CASP1: variants seen among roughly 807,000 people sequenced by gnomAD.
The protein encoded by CASP1 is caspase 1, also known as caspase-1.
Under a neutral mutation model 41.2 loss-of-function variants are expected in CASP1, and 31 were observed. That is an observed-to-expected ratio of 0.75 (90% CI 0.57 to 1.02). The LOEUF is 1.02. Among genes scored for constraint, CASP1 ranks in the 50% least tolerant of loss-of-function variants. CASP1 has a pLI of 0.00. For synonymous variants in CASP1, 163 were observed against 166.5 expected (o/e 0.98, Z 0.16); for missense variants, 490 against 495.7 (o/e 0.99, Z 0.11).
At chr11:105,035,047 CA>C in intron 1 of CASP1, 59 bp downstream of exon 1, 2 of 1,608,172 alleles carry the variant, frequency 1.2e-6, no homozygotes, top group South Asian at 2.2e-5. Context: ...CCAGAAGAGC[CA>C]GCCCCTTCCA....
chr11:105,033,192 TA>T lies in CASP1; in HGVS notation c.275-67del. On this transcript the variant is annotated intron_variant, in intron 2 of 8. Coordinates refer to ENST00000533400, the MANE Select transcript of CASP1 (RefSeq NM_001257118.3). ...CTCTGGAAAACTTTACCCCAATCTG[TA>T]AAACACTCCCCACTAAAAATTTCTC... is the stretch of plus-strand genomic sequence containing the variant. The T allele has an allele frequency of 5.8e-6, 5 of 858,946 alleles. No individual in the cohort carries two copies. In the South Asian group the frequency reaches 7.2e-5, roughly 12 times the overall value. The allele number at this position is 858,946 out of a possible 1,614,324, so 53.2% of individuals were successfully genotyped here.
chr11:105,027,176 G>A (rs189564665), intron 7 of CASP1: 31 of 615,686 alleles, frequency 5.0e-5, no homozygotes, highest in Middle Eastern at 4.4e-4. Flanking sequence ...AGTTAATTAT[G>A]CATTCTGATA....
intron 8 of CASP1, chr11:105,026,621 G>A: frequency 1.7e-6 from 1 of 601,768 alleles, no homozygotes; most frequent in African/African-American, 1.9e-5. Flanking sequence ...TGCAGGGCAG[G>A]AGCGGGGTGA....
chr11:105,026,233 C>A lies in CASP1; in HGVS notation c.*25G>T. The A allele has an allele frequency of 2.1e-6, 3 of 1,446,428 alleles. No homozygotes were observed. The highest frequency in any genetic ancestry group is 2.9e-6 in the Non-Finnish European group (3 of 1,027,984). 89.6% of individuals were successfully genotyped at this position (1,446,428 alleles called of 1,614,324 possible). On this transcript the variant is annotated 3_prime_UTR_variant, in exon 9 of 9. Transcript: ENST00000533400. Reference sequence around the variant, plus strand: ...CCGACCATACACATGTACCTGCCCACAGACATTCATACAGTTTCCTTATTT... The same window carrying A: ...CCGACCATACACATGTACCTGCCCAAAGACATTCATACAGTTTCCTTATTT...
chr11:105,026,199 C>T lies in CASP1; in HGVS notation c.*59G>A, dbSNP rs1418984935. 4 of 1,103,220 alleles carry T rather than the reference C, an allele frequency of 3.6e-6. No homozygotes were observed. The African/African-American group carries it at 4.6e-5, about 13-fold the overall frequency. 68.3% of individuals were successfully genotyped at this position (1,103,220 alleles called of 1,614,324 possible). A position where few individuals can be genotyped will look rare whatever the true frequency, so the allele number is the denominator to read the frequency against. On this transcript the variant is annotated 3_prime_UTR_variant, in exon 9 of 9. Coordinates refer to ENST00000533400, the MANE Select transcript of CASP1 (RefSeq NM_001257118.3). ...CTTTCAGTACCCTTTCCTCAACCTT[C>T]CCACACTCCCGACCATACACATGTA...
At chr11:105,030,726 G>T in intron 4 of CASP1, 1 of 472,150 alleles carries the variant, frequency 2.1e-6, no homozygotes, top group Non-Finnish European at 3.7e-6. Context: ...GTTCTTGATA[G>T]GTAGGATTTT....
chr11:105,032,455 A>C (rs1329000761), intron 3 of CASP1, among the ~76,000 whole-genome samples: 2 of 152,188 alleles, frequency 1.3e-5, no homozygotes, highest in East Asian at 3.8e-4. Flanking sequence ...GTAATATCTG[A>C]ACTTGATAAA....
chr11:105,035,369 T>A (rs1322154945), upstream of CASP1: 2 of 512,584 alleles, frequency 3.9e-6, no homozygotes, highest in Non-Finnish European at 7.0e-6. Flanking sequence ...ATTGAAAAAG[T>A]ATGTGTACAA....
At chr11:105,031,597 G>A (rs1863702598) in intron 3 of CASP1, among the ~76,000 whole-genome samples, 2 of 152,160 alleles carry the variant, frequency 1.3e-5, no homozygotes, top group Admixed American at 1.3e-4. Flanking sequence ...AACAAAAAAT[G>A]TGTGAGATAA....
At chr11:105,034,732 G>C (rs576919029) in intron 1 of CASP1, 147 of 637,840 alleles carry the variant, frequency 2.3e-4, no homozygotes, top group African/African-American at 2.0e-3. Flanking sequence ...CTCTTATGTC[G>C]CATGTTTATT....
At chr11:105,033,280 G>A (rs1414059438) in intron 2 of CASP1, among the ~76,000 whole-genome samples, 154 bp from the exon 3 acceptor site, 1 of 152,214 alleles carries the variant, frequency 6.6e-6, no homozygotes, top group Non-Finnish European at 1.5e-5. Flanking sequence ...AATTTAGAGA[G>A]TGGTGGGAGG....
At chr11:105,030,946 T>A (rs1237067206) in intron 4 of CASP1, 17 of 496,994 alleles carry the variant, frequency 3.4e-5, no homozygotes, top group Non-Finnish European at 5.8e-5. Context: ...TCAATAGCTG[T>A]CATCACTGAT....
upstream of CASP1, among the ~76,000 whole-genome samples, chr11:105,035,899 A>G (rs1863998915): frequency 6.6e-6 from 1 of 152,020 alleles, no homozygotes; most frequent in East Asian, 1.9e-4. Context: ...TACAGGCATG[A>G]GCCACCCACC....
rs940937090 is a variant in CASP1, at chr11:105,034,042, C to G, written c.274+166G>C. ...GCCACTGAGGATTAAGGAAAAGAAT[C>G]AAAGGAGAGTCAAGGGACATGCAAT... On this transcript the variant is annotated intron_variant, in intron 2 of 8. Coordinates refer to ENST00000533400, the MANE Select transcript of CASP1 (RefSeq NM_001257118.3). The G allele has an allele frequency of 2.7e-6, 3 of 1,131,900 alleles. No individual in the cohort carries two copies. In the African/African-American group the frequency reaches 4.6e-5, roughly 17 times the overall value. 70.1% of individuals were successfully genotyped at this position (1,131,900 alleles called of 1,614,324 possible).
In CASP1 at chr11:105,026,051, A is replaced by G; in HGVS notation, c.*207T>C. 1 of 439,478 alleles carries G rather than the reference A, an allele frequency of 2.3e-6. No homozygotes were observed. The highest frequency in any genetic ancestry group is 4.1e-6 in the Non-Finnish European group (1 of 246,544). The allele number at this position is 439,478 out of a possible 1,614,324, so 27.2% of individuals were successfully genotyped here. A position where few individuals can be genotyped will look rare whatever the true frequency, so the allele number is the denominator to read the frequency against. ...AACCTATAATTTGAAATGTTTCAAT[A>G]AACATTTCCTTTGAATATCATGTGG... On this transcript the variant is annotated 3_prime_UTR_variant, in exon 9 of 9. Coordinates refer to ENST00000533400, the MANE Select transcript of CASP1 (RefSeq NM_001257118.3).
At chr11:105,026,401 T>G (rs1212287299) in intron 8 of CASP1, 45 bp from the exon 9 acceptor site, 2 of 1,315,476 alleles carry the variant, frequency 1.5e-6, no homozygotes, top group South Asian at 1.3e-5. Flanking sequence ...TTGCTGAGTT[T>G]TTTTTTTCAA....
intron 7 of CASP1, 63 bp from the exon 8 acceptor site, chr11:105,027,014 C>G (rs764643526): frequency 1.1e-6 from 1 of 936,790 alleles, no homozygotes; most frequent in South Asian, 1.3e-5. Flanking sequence ...AGAAGAAACC[C>G]TAGTATTTAT....
chr11:105,029,079 C>T, intron 7 of CASP1, 45 bp downstream of exon 7: 2 of 1,575,584 alleles, frequency 1.3e-6, no homozygotes, highest in Admixed American at 3.7e-5. Context: ...GTCACTTTTT[C>T]TATTGATAGC....
chr11:105,032,686 C>T (rs186240882), intron 3 of CASP1, among the ~76,000 whole-genome samples: 46 of 152,166 alleles, frequency 3.0e-4, no homozygotes, highest in African/African-American at 4.3e-4. Context: ...CAACTGGTGA[C>T]GGTGGCACCA....
Sources: allele counts gnomAD v4.1 joint callset (sites outside exome capture counted in the v4.1 genomes callset), GRCh38; gene constraint gnomAD v4.1.1; transcripts MANE v1.5; gene names NCBI Gene and HGNC (gene_info 2026-07-23, HGNC 2026-07-21).